PGM5: variants seen among roughly 807,000 people sequenced by gnomAD.
PGM5 encodes phosphoglucomutase 5, also known as phosphoglucomutase-like protein 5.
In PGM5, 23 loss-of-function variants were observed where a neutral mutation model predicts 59.2. That is an observed-to-expected ratio of 0.39 (90% CI 0.28 to 0.55). The LOEUF (loss-of-function observed/expected upper bound fraction) is 0.55, where lower values mean the gene tolerates loss of function less well. Ranked by LOEUF, PGM5 falls within the 20% of genes least tolerant of loss-of-function variation. The pLI is 0.66. For missense variants in PGM5, 574 were observed against 748.3 expected, an observed-to-expected ratio of 0.77 and a Z score of 2.72; for synonymous variants, 214 against 286.0, an observed-to-expected ratio of 0.75 and a Z score of 2.54.
At chr9:68,377,500 A>T (rs1280081815) in intron 1 of PGM5, among the ~76,000 whole-genome samples, 2 of 152,252 alleles carry the variant, frequency 1.3e-5, no homozygotes, top group Non-Finnish European at 2.9e-5. Flanking sequence ...ATTTTAAAAC[A>T]AGGTGTAGCA....
At chr9:68,501,532 A>T (rs1409820725) in intron 10 of PGM5, among the ~76,000 whole-genome samples, 2 of 152,160 alleles carry the variant, frequency 1.3e-5, no homozygotes, top group African/African-American at 2.4e-5. Context: ...GCCTTTGATT[A>T]ACTGTTGAAC....
intron 6 of PGM5, chr9:68,397,400 T>G (rs1256545214): frequency 2.6e-5 from 4 of 152,254 alleles, no homozygotes. Flanking sequence ...ATATTTACAG[T>G]CTCAAACATG....
chr9:68,399,429 T>C (rs1164432110), intron 6 of PGM5, among the ~76,000 whole-genome samples: 1 of 152,230 alleles, frequency 6.6e-6, no homozygotes, highest in Non-Finnish European at 1.5e-5. Flanking sequence ...AACCAGTCTC[T>C]AAATTCCTGC....
chr9:68,478,633 G>C (rs1235095911), intron 7 of PGM5, among the ~76,000 whole-genome samples: 2 of 152,144 alleles, frequency 1.3e-5, no homozygotes, highest in African/African-American at 2.4e-5. Context: ...TTCAGTTTCT[G>C]GTGGCTCCAC....
At chr9:68,503,447 C>T (rs1824609407) in intron 10 of PGM5, among the ~76,000 whole-genome samples, 1 of 152,190 alleles carries the variant, frequency 6.6e-6, no homozygotes, top group South Asian at 2.1e-4. Flanking sequence ...TGTATGGGGA[C>T]TCACAGTATG....
In PGM5 at chr9:68,372,022, T is replaced by G. The variant is rs182355154; in HGVS notation, c.262-6177T>G. The stretch of plus-strand genomic sequence containing the variant: ...ATTTTGAACTTCTGGCCTCCAGAAC[T>G]GTAAGGGAATAAATTTTAATTGCTT... On this transcript the variant is annotated intron_variant, in intron 1 of 10. Transcript: ENST00000396396. 9.4e-3 allele frequency among the ~76,000 whole-genome samples: 1,430 copies of G among 152,368 alleles called. 7 individuals are homozygous for G. The highest frequency in any genetic ancestry group is 0.015 in the Non-Finnish European group (1,024 of 68,034).
At chr9:68,490,328 G>C (rs1824369252) in intron 9 of PGM5, among the ~76,000 whole-genome samples, 2 of 152,098 alleles carry the variant, frequency 1.3e-5, no homozygotes, top group Non-Finnish European at 2.9e-5. Flanking sequence ...TCAACTTTTT[G>C]TTTTTGTTTT....
rs566269456 is a variant in PGM5 at position 68,530,415 on chromosome 9, C to G, written c.*759C>G. The G allele has an allele frequency of 1.3e-5, 2 of 152,352 alleles. No individual in the cohort carries two copies. Among genetic ancestry groups the G allele is most frequent in the South Asian group, 4.1e-4 (2 of 4,834 alleles). The allele number at this position is 152,352 out of a possible 1,614,324, so 9.4% of individuals were successfully genotyped here. ...TGGGAAGAAGTTTCTTGACAAGACT[C>G]TGCAATTAAATGCTTAAAATTTGGA... On this transcript the variant is annotated 3_prime_UTR_variant, in exon 11 of 11. Coordinates refer to ENST00000396396, the MANE Select transcript of PGM5 (RefSeq NM_021965.4).
At chr9:68,454,411 A>T (rs1554684627) in intron 6 of PGM5, among the ~76,000 whole-genome samples, 1 of 152,210 alleles carries the variant, frequency 6.6e-6, no homozygotes. Flanking sequence ...TGATACAAGG[A>T]GTATCCCTAC....
At chr9:68,425,609 A>G (rs141054892) in intron 6 of PGM5, among the ~76,000 whole-genome samples, 2,118 of 152,324 alleles carry the variant, frequency 0.014, 37 homozygotes, top group African/African-American at 0.048. Flanking sequence ...GAGTTGAGAT[A>G]CCTACATTTT....
chr9:68,493,496 C>T (rs905346885), intron 9 of PGM5, among the ~76,000 whole-genome samples: 14 of 152,148 alleles, frequency 9.2e-5, no homozygotes, highest in Admixed American at 7.2e-4. Context: ...GTAAATGAAG[C>T]TCCTCCATTT....
At chr9:68,399,937 TAATCCC>T (rs1554680427) in intron 6 of PGM5, among the ~76,000 whole-genome samples, 22 of 152,168 alleles carry the variant, frequency 1.4e-4, no homozygotes, top group Non-Finnish European at 2.9e-4. Context: ...AACCTTGGAA[TAATCCC>T]TCATTCCAGA....
chr9:68,373,422 T>C (rs1350195275), intron 1 of PGM5, among the ~76,000 whole-genome samples: 2 of 152,212 alleles, frequency 1.3e-5, no homozygotes, highest in Non-Finnish European at 2.9e-5. Flanking sequence ...TTTATTCAAG[T>C]GTAATTACTC....
At chr9:68,361,279 AATAC>A (rs1834574035) in intron 1 of PGM5, among the ~76,000 whole-genome samples, 1 of 152,180 alleles carries the variant, frequency 6.6e-6, no homozygotes, top group African/African-American at 2.4e-5. Flanking sequence ...TAACCTGGAA[AATAC>A]CCTCACTCTT....
intron 1 of PGM5, among the ~76,000 whole-genome samples, chr9:68,366,331 C>T (rs1188243725): frequency 6.6e-6 from 1 of 152,060 alleles, no homozygotes; most frequent in African/African-American, 2.4e-5. Context: ...TAATTTATGA[C>T]ACAACTGCAC....
At chr9:68,423,781 T>A (rs1554682529) in intron 6 of PGM5, among the ~76,000 whole-genome samples, 1 of 152,102 alleles carries the variant, frequency 6.6e-6, no homozygotes, top group African/African-American at 2.4e-5. Context: ...CTACACCATG[T>A]TCCTCTGCAT....
intron 6 of PGM5, among the ~76,000 whole-genome samples, chr9:68,418,201 G>A (rs1209142615): frequency 1.3e-5 from 2 of 152,134 alleles, no homozygotes; most frequent in African/African-American, 2.4e-5. Context: ...GGTGTCTTGA[G>A]CTTAGGAGTC....
At chr9:68,432,610 A>G (rs1823372850) in intron 6 of PGM5, among the ~76,000 whole-genome samples, 2 of 151,646 alleles carry the variant, frequency 1.3e-5, no homozygotes, top group Non-Finnish European at 2.9e-5. Flanking sequence ...ATTTAAATGT[A>G]CCATTTTTTT....
Position 68,357,300 on chromosome 9 carries a change from A to G in PGM5, c.173A>G (p.Gln58Arg). The G allele has an allele frequency of 2.6e-6, 4 of 1,547,616 alleles. No individual in the cohort carries two copies. Among genetic ancestry groups the G allele is most frequent in the Non-Finnish European group, 3.5e-6 (4 of 1,147,658 alleles). The change falls in exon 1 of 11, where the codon CAG (glutamine) becomes CGG (arginine). Residue 58 changes from glutamine (Q) to arginine (R), a missense_variant. Transcript: ENST00000396396. ...TCGTCCATCGACCTGCGCGACCGTC[A>G]GGGCTGCACCATGGTGGTGGGCAGC... The part of the protein sequence containing the change: ...VLSSIDLRDR[Q>R]GCTMVVGSDG...
Sources: allele counts gnomAD v4.1 joint callset (sites outside exome capture counted in the v4.1 genomes callset), GRCh38; gene constraint gnomAD v4.1.1; transcripts MANE v1.5; gene names NCBI Gene and HGNC (gene_info 2026-07-23, HGNC 2026-07-21).